TEAD1: variants seen among roughly 807,000 people sequenced by gnomAD.
TEAD1 encodes the protein TEA domain transcription factor 1.
TEAD1 carries 9 observed loss-of-function variants against 54.9 expected under a neutral mutation model. The observed-to-expected ratio is 0.16, with a 90% CI of 0.10 to 0.29. TEAD1 has a LOEUF of 0.29. Ranked by LOEUF, TEAD1 falls within the 10% of genes least tolerant of loss-of-function variation. The pLI is 1.00. For synonymous variants in TEAD1, 200 were observed against 187.8 expected, an observed-to-expected ratio of 1.07 and a Z score of -0.53; for missense variants, 387 against 535.9, an observed-to-expected ratio of 0.72 and a Z score of 2.74.
chr11:12,912,789 C>T (rs1036638106), intron 10 of TEAD1, among the ~76,000 whole-genome samples: 1 of 152,220 alleles, frequency 6.6e-6, no homozygotes, highest in African/African-American at 2.4e-5. Context: ...TCAGGGCTTC[C>T]GGGCAGAATC....
chr11:12,792,554 T>A (rs1465369090), intron 3 of TEAD1, among the ~76,000 whole-genome samples: 1 of 152,186 alleles, frequency 6.6e-6, no homozygotes, highest in Non-Finnish European at 1.5e-5. Flanking sequence ...TGCATTGTCC[T>A]ACTAGTAGAA....
Position 12,862,289 on chromosome 11 carries a change from C to G in TEAD1, c.242C>G (p.Thr81Arg). The G allele has an allele frequency of 6.2e-7, 1 of 1,613,930 alleles. No individual in the cohort carries two copies. Among genetic ancestry groups the G allele is most frequent in the Non-Finnish European group, 8.5e-7 (1 of 1,179,906 alleles). The change falls in exon 4 of 13, where the codon ACA (threonine) becomes AGA (arginine). Residue 81 changes from threonine (T) to arginine (R), a missense_variant. By Grantham distance (71) the Thr-to-Arg change is moderately conservative. Around this residue, in one of 5 missense-constraint regions of TEAD1, gnomAD observed 7 missense variants for 62.7 expected, o/e 0.11. Coordinates refer to ENST00000527636, the MANE Select transcript of TEAD1 (RefSeq NM_021961.6). Reference sequence around the variant, plus strand: ...ATAGCCAGATACATCAAACTCAGGACAGGCAAGACGAGGACCAGAAAACAG... The same window carrying G: ...ATAGCCAGATACATCAAACTCAGGAGAGGCAAGACGAGGACCAGAAAACAG...
chr11:12,917,431 C>CT (rs1948734797), intron 10 of TEAD1, among the ~76,000 whole-genome samples: 1 of 152,110 alleles, frequency 6.6e-6, no homozygotes, highest in African/African-American at 2.4e-5. Flanking sequence ...ATTAGTTTGT[C>CT]TTGTTTTAAG....
rs993959587 is a variant in TEAD1, at chr11:12,758,793, T to C, written c.-54-5386T>C. Reference sequence around the variant, plus strand: ...CCTGACCTCAAATGATCCACCTGCCTCAGCCTCCCAAAGTGCTGGGATTAG... The same window carrying C: ...CCTGACCTCAAATGATCCACCTGCCCCAGCCTCCCAAAGTGCTGGGATTAG... On this transcript the variant is annotated intron_variant, in intron 2 of 12. Transcript: ENST00000527636. 8.5e-5 allele frequency among the ~76,000 whole-genome samples: 13 copies of C among 152,268 alleles called. No homozygotes were observed. In the South Asian group the frequency reaches 1.0e-3, roughly 12 times the overall value.
intron 5 of TEAD1, among the ~76,000 whole-genome samples, chr11:12,876,724 A>C (rs963844238): frequency 1.3e-5 from 2 of 152,184 alleles, no homozygotes; most frequent in African/African-American, 4.8e-5. Context: ...GAGAGCATTT[A>C]TAACCCCCTT....
intron 2 of TEAD1, among the ~76,000 whole-genome samples, chr11:12,725,986 C>A (rs1438454918): frequency 1.3e-5 from 2 of 152,340 alleles, no homozygotes; most frequent in East Asian, 3.9e-4. Context: ...ATTTACCCAA[C>A]CATCCTTCCA....
intron 3 of TEAD1, among the ~76,000 whole-genome samples, chr11:12,803,666 C>CA (rs2133978988): frequency 6.6e-6 from 1 of 152,322 alleles, no homozygotes; most frequent in South Asian, 2.1e-4. Context: ...AATGGGAAGA[C>CA]AGGAGGCAGA....
intron 3 of TEAD1, among the ~76,000 whole-genome samples, chr11:12,764,789 A>G (rs1025543904): frequency 1.3e-5 from 2 of 151,340 alleles, no homozygotes; most frequent in Non-Finnish European, 2.9e-5. Context: ...AAATACTGCC[A>G]CTTACCTCTA....
intron 3 of TEAD1, among the ~76,000 whole-genome samples, chr11:12,846,886 A>G (rs1037033049): frequency 6.6e-6 from 1 of 152,208 alleles, no homozygotes; most frequent in Admixed American, 6.5e-5. Context: ...AAACAGCCAC[A>G]TGTCCTCTTT....
intron 10 of TEAD1, among the ~76,000 whole-genome samples, chr11:12,920,809 A>ATT (rs1482540899): frequency 6.6e-6 from 1 of 152,230 alleles, no homozygotes; most frequent in Non-Finnish European, 1.5e-5. Context: ...TTTCTGCTCA[A>ATT]CACAAACTTA....
chr11:12,696,601 A>G (rs1347006100), intron 2 of TEAD1, among the ~76,000 whole-genome samples: 1 of 152,128 alleles, frequency 6.6e-6, no homozygotes, highest in Non-Finnish European at 1.5e-5. Flanking sequence ...GGGTCTTCAG[A>G]TGGACGCCTT....
At chr11:12,864,294 G>A (rs1041528506) in intron 4 of TEAD1, among the ~76,000 whole-genome samples, 13 of 152,136 alleles carry the variant, frequency 8.5e-5, no homozygotes. Flanking sequence ...ATACTGAGAA[G>A]CTATAAATAT....
At chr11:12,817,785 G>A (rs1357761764) in intron 3 of TEAD1, among the ~76,000 whole-genome samples, 1 of 152,186 alleles carries the variant, frequency 6.6e-6, no homozygotes, top group Non-Finnish European at 1.5e-5. Flanking sequence ...TGCCAAGAAA[G>A]GGAGTTCAGG....
At chr11:12,693,245 G>A (rs1011892757) in intron 2 of TEAD1, among the ~76,000 whole-genome samples, 6 of 152,262 alleles carry the variant, frequency 3.9e-5, no homozygotes, top group Admixed American at 6.5e-5. Flanking sequence ...CATGCGCACA[G>A]TAAAGGACAG....
At chr11:12,885,726 G>T (rs1381798860) in intron 9 of TEAD1, among the ~76,000 whole-genome samples, 1 of 152,132 alleles carries the variant, frequency 6.6e-6, no homozygotes, top group Non-Finnish European at 1.5e-5. Flanking sequence ...AAATAATGTG[G>T]TAGCTCCCTC....
chr11:12,686,580 G>C (rs933042867), intron 2 of TEAD1, among the ~76,000 whole-genome samples: 2 of 152,014 alleles, frequency 1.3e-5, no homozygotes, highest in African/African-American at 4.8e-5. Flanking sequence ...AGGTTGGTTT[G>C]TACTGTATGA....
At chr11:12,824,211 T>C (rs939207059) in intron 3 of TEAD1, among the ~76,000 whole-genome samples, 3 of 152,242 alleles carry the variant, frequency 2.0e-5, no homozygotes, top group African/African-American at 7.2e-5. Context: ...TCAGGTTTAT[T>C]GCATAGTATA....
chr11:12,753,036 G>C (rs1168077190), intron 2 of TEAD1, among the ~76,000 whole-genome samples: 1 of 149,638 alleles, frequency 6.7e-6, no homozygotes, highest in African/African-American at 2.5e-5. Flanking sequence ...GTAGAGATAG[G>C]GTCTCACTAT....
intron 11 of TEAD1, among the ~76,000 whole-genome samples, chr11:12,925,529 C>T (rs1008527425): frequency 6.6e-6 from 1 of 152,194 alleles, no homozygotes; most frequent in African/African-American, 2.4e-5. Context: ...TATCACCCTC[C>T]TTCTTTCTCC....
Sources: gnomAD v4.1 joint callset for allele counts (sites outside exome capture counted in the v4.1 genomes callset) on GRCh38, gnomAD v4.1.1 for gene constraint, gnomAD v4.1.1 regional missense constraint, MANE v1.5 for transcripts, NCBI Gene and HGNC (gene_info 2026-07-23, HGNC 2026-07-21) for gene names.